RPA3: variants seen among roughly 807,000 people sequenced by gnomAD.
The protein encoded by RPA3 is replication protein A 14 kDa subunit.
RPA3 carries 24 observed loss-of-function variants against 13.7 expected under a neutral mutation model. The ratio of observed to expected loss-of-function variants is 1.75; its 90% CI spans 1.27 to 2.46. The LOEUF (loss-of-function observed/expected upper bound fraction) is 2.46, where lower values mean the gene tolerates loss of function less well. Ranked by LOEUF, RPA3 falls within the 30% of genes most tolerant of loss-of-function variation. RPA3 has a pLI of 0.00. For synonymous variants in RPA3, 59 were observed against 51.2 expected, an observed-to-expected ratio of 1.15 and a Z score of -0.65; for missense variants, 183 against 151.0, an observed-to-expected ratio of 1.21 and a Z score of -1.11.
intron 4 of RPA3, among the ~76,000 whole-genome samples, chr7:7,680,317 C>G (rs1156363103): frequency 6.6e-6 from 1 of 152,052 alleles, no homozygotes; most frequent in Non-Finnish European, 1.5e-5. Context: ...AATGTATATC[C>G]TTGGCACCCT....
At chr7:7,702,433 C>A (rs971227018) in intron 2 of RPA3, among the ~76,000 whole-genome samples, 13 of 151,994 alleles carry the variant, frequency 8.6e-5, no homozygotes, top group Non-Finnish European at 1.5e-4. Flanking sequence ...GACTATAATA[C>A]GAAAATTCTG....
intron 2 of RPA3, among the ~76,000 whole-genome samples, chr7:7,703,937 C>CT (rs924853946): frequency 6.6e-6 from 1 of 150,638 alleles, no homozygotes; most frequent in Admixed American, 6.6e-5. Context: ...TAACCTGTCT[C>CT]TTAACAAAGG....
intron 2 of RPA3, among the ~76,000 whole-genome samples, chr7:7,693,223 G>A (rs1228455967): frequency 1.3e-5 from 2 of 152,060 alleles, no homozygotes; most frequent in Non-Finnish European, 2.9e-5. Flanking sequence ...ATTGTACTGT[G>A]CTTCTTGTTT....
intron 2 of RPA3, among the ~76,000 whole-genome samples, chr7:7,709,387 A>G (rs775501252): frequency 1.1e-4 from 16 of 152,216 alleles, no homozygotes; most frequent in Non-Finnish European, 1.5e-4. Context: ...TCTCTTAAGA[A>G]GATAAGTCCT....
At chr7:7,677,132 G>C (rs888918128) in intron 4 of RPA3, among the ~76,000 whole-genome samples, 3 of 152,030 alleles carry the variant, frequency 2.0e-5, no homozygotes, top group African/African-American at 7.3e-5. Flanking sequence ...GTCCGTAATA[G>C]TTGTATATAT....
chr7:7,697,353 C>G (rs112013602), intron 2 of RPA3, among the ~76,000 whole-genome samples: 1 of 152,142 alleles, frequency 6.6e-6, no homozygotes. Context: ...CAAGTTGCAG[C>G]ATTTAATTTG....
At chr7:7,663,342 T>A (rs948104495) in intron 4 of RPA3, among the ~76,000 whole-genome samples, 4 of 117,446 alleles carry the variant, frequency 3.4e-5, no homozygotes, top group African/African-American at 1.2e-4. Context: ...GAGGTGGAAG[T>A]AAAATTTATG....
In RPA3 at chr7:7,640,412, C is replaced by G; in HGVS notation, c.7G>C (p.Asp3His). The change falls in exon 5 of 8, where the codon GAC (aspartate) becomes CAC (histidine). Residue 3 changes from aspartate to histidine, a missense_variant. Physicochemically the swap from Asp to His is moderately conservative, Grantham distance 81. Transcript: ENST00000223129. MV[D>H]MMDLPRSRIN... is the part of the protein sequence containing the mutation. ...CGCGACCTGGGCAAGTCCATCATGT[C>G]CACCATGATTATGGTCCAAGACTGC... 6.2e-7 allele frequency: 1 copy of G among 1,613,814 alleles called. No individual in the cohort carries two copies. The highest frequency in any genetic ancestry group is 8.5e-7 in the Non-Finnish European group (1 of 1,179,848).
intron 5 of RPA3, 169 bp downstream of exon 5, chr7:7,640,151 A>C (rs1339016160): frequency 1.5e-6 from 1 of 685,628 alleles, no homozygotes; most frequent in Non-Finnish European, 2.5e-6. Context: ...AAGAGCGCCA[A>C]AATGGGGCTA....
At chr7:7,649,370 C>G (rs1346189808) in intron 4 of RPA3, among the ~76,000 whole-genome samples, 1 of 152,010 alleles carries the variant, frequency 6.6e-6, no homozygotes, top group Non-Finnish European at 1.5e-5. Context: ...CCCCCAATAA[C>G]TTAACCCACT....
At chr7:7,658,706 A>C (rs1292440835) in intron 4 of RPA3, among the ~76,000 whole-genome samples, 1 of 152,178 alleles carries the variant, frequency 6.6e-6, no homozygotes, top group African/African-American at 2.4e-5. Context: ...TGTTGGATTC[A>C]GTTTGCCAGT....
At chr7:7,715,048 C>T (rs1238537012) in intron 2 of RPA3, 127 bp downstream of exon 2, 2 of 151,802 alleles carry the variant, frequency 1.3e-5, no homozygotes, top group African/African-American at 4.8e-5. Flanking sequence ...GTAGGCAAAT[C>T]CACAAATCTT....
intron 1 of RPA3, among the ~76,000 whole-genome samples, chr7:7,717,406 G>A (rs1201462830): frequency 6.6e-6 from 1 of 152,156 alleles, no homozygotes; most frequent in Non-Finnish European, 1.5e-5. Context: ...CACTCCTTGT[G>A]TGTCCTCGTC....
At chr7:7,716,728 G>A (rs1036279704) in intron 1 of RPA3, among the ~76,000 whole-genome samples, 1 of 152,172 alleles carries the variant, frequency 6.6e-6, no homozygotes, top group Non-Finnish European at 1.5e-5. Flanking sequence ...GGCGGATCAC[G>A]AGGTCAGGAG....
At chr7:7,706,076 G>A (rs1780591541) in intron 2 of RPA3, among the ~76,000 whole-genome samples, 1 of 152,090 alleles carries the variant, frequency 6.6e-6, no homozygotes, top group Non-Finnish European at 1.5e-5. Flanking sequence ...AATAAATTAT[G>A]GAAGTCACCA....
chr7:7,705,738 C>T (rs1382312086), intron 2 of RPA3, among the ~76,000 whole-genome samples: 1 of 152,012 alleles, frequency 6.6e-6, no homozygotes, highest in Non-Finnish European at 1.5e-5. Context: ...ATAAATTTGT[C>T]CAAACTCATA....
intron 4 of RPA3, chr7:7,676,352 T>C (rs1779738964): frequency 2.6e-6 from 1 of 391,592 alleles, no homozygotes; most frequent in African/African-American, 2.1e-5. Flanking sequence ...GTAGTACTAT[T>C]ATATCACCAT....
In RPA3 at chr7:7,640,620, T is replaced by G; in HGVS notation, c.-202A>C. On this transcript the variant is annotated 5_prime_UTR_variant, in exon 5 of 8. Coordinates refer to ENST00000223129, the MANE Select transcript of RPA3 (RefSeq NM_002947.5). Reference sequence around the variant, plus strand: ...AGAAGGGGCTGGATGAGTCCGGAAGTGGAGATTGGCTGCTTAGTGACGCGC... The same window carrying G: ...AGAAGGGGCTGGATGAGTCCGGAAGGGGAGATTGGCTGCTTAGTGACGCGC... 1.7e-6 allele frequency: 1 copy of G among 577,422 alleles called. No homozygotes were observed. Among genetic ancestry groups the G allele is most frequent in the Non-Finnish European group, 3.1e-6 (1 of 324,566 alleles). 35.8% of individuals were successfully genotyped at this position (577,422 alleles called of 1,614,324 possible).
chr7:7,716,028 AACT>A (rs1447037503), intron 1 of RPA3, among the ~76,000 whole-genome samples: 1 of 152,234 alleles, frequency 6.6e-6, no homozygotes, highest in African/African-American at 2.4e-5. Flanking sequence ...TTAAATTAGA[AACT>A]AATATATGTC....
Sources: gnomAD v4.1 joint callset for allele counts (sites outside exome capture counted in the v4.1 genomes callset) on GRCh38, gnomAD v4.1.1 for gene constraint, MANE v1.5 for transcripts, NCBI Gene and HGNC (gene_info 2026-07-23, HGNC 2026-07-21) for gene names.